GDAP1: variants seen among roughly 807,000 people sequenced by gnomAD.
The protein encoded by GDAP1 is ganglioside-induced differentiation-associated protein 1.
In GDAP1, 34 loss-of-function variants were observed where a neutral mutation model predicts 40.1. The ratio of observed to expected loss-of-function variants is 0.85; its 90% CI spans 0.64 to 1.13. The LOEUF (loss-of-function observed/expected upper bound fraction) is 1.13. GDAP1 is among the 50% of genes most tolerant of loss of function. GDAP1 has a pLI of 0.00. For synonymous variants in GDAP1, 170 were observed against 157.4 expected (o/e 1.08, Z -0.60); for missense variants, 374 against 433.7 (o/e 0.86, Z 1.22).
intron 2 of GDAP1, among the ~76,000 whole-genome samples, chr8:74,356,442 A>G (rs1809093860): frequency 1.3e-5 from 2 of 152,156 alleles, no homozygotes. Context: ...TATAGTGCAT[A>G]AAATTTATTG....
rs1468845423 is a variant in GDAP1, at chr8:74,435,482, A to G, written c.166-53196A>G. ...CTGTCTTTGCTTCTTACTTCATCCCATTCAAATAAGAAGAAGCTTGAATAA... is the reference window on the plus strand; with the variant it reads ...CTGTCTTTGCTTCTTACTTCATCCCGTTCAAATAAGAAGAAGCTTGAATAA... On this transcript the variant is annotated intron_variant, in intron 2 of 2. Transcript: ENST00000523640. 2.6e-5 allele frequency among the ~76,000 whole-genome samples: 4 copies of G among 152,170 alleles called. 1 individual carries two copies. The highest frequency in any genetic ancestry group is 1.5e-5 in the Non-Finnish European group (1 of 68,014).
At chr8:74,408,238 T>C (rs1805664604) in intron 2 of GDAP1, among the ~76,000 whole-genome samples, 1 of 150,302 alleles carries the variant, frequency 6.7e-6, no homozygotes, top group Admixed American at 6.6e-5. Context: ...AAAAAAATTC[T>C]TCCCTGCATC....
intron 2 of GDAP1, among the ~76,000 whole-genome samples, chr8:74,374,944 T>C (rs1226987202): frequency 6.6e-6 from 1 of 152,226 alleles, no homozygotes; most frequent in African/African-American, 2.4e-5. Context: ...CAACTGTACA[T>C]AAGCTTTTTT....
At chr8:74,356,601 A>G (rs1206334513) in intron 2 of GDAP1, among the ~76,000 whole-genome samples, 3 of 151,144 alleles carry the variant, frequency 2.0e-5, no homozygotes, top group Non-Finnish European at 2.9e-5. Context: ...ATTGTAATCA[A>G]TCAGTTTGCT....
chr8:74,411,461 G>A (rs2131554001), intron 2 of GDAP1, among the ~76,000 whole-genome samples: 1 of 149,050 alleles, frequency 6.7e-6, no homozygotes, highest in South Asian at 2.1e-4. Context: ...GTGTTTGAAT[G>A]TTTGCTACAG....
intron 2 of GDAP1, among the ~76,000 whole-genome samples, chr8:74,409,356 C>T (rs773744820): frequency 6.7e-6 from 1 of 149,468 alleles, no homozygotes; most frequent in Non-Finnish European, 1.5e-5. Context: ...ATCTGAGTTC[C>T]TTCCTTTTTT....
chr8:74,398,914 G>A (rs1388824208), intron 2 of GDAP1, among the ~76,000 whole-genome samples: 1 of 152,082 alleles, frequency 6.6e-6, no homozygotes, highest in Non-Finnish European at 1.5e-5. Context: ...TGATCATGGT[G>A]GATAAGCTTT....
rs542278753 is a variant in GDAP1 at position 74,412,359 on chromosome 8, A to G, written c.165+61038A>G. Among the ~76,000 whole-genome samples the G allele has an allele frequency of 4.0e-5, 6 of 150,372 alleles. No individual in the cohort carries two copies. In the East Asian group the frequency reaches 7.7e-4, roughly 19 times the overall value. ...AAAGTCAAGCTGAAGTTCCAGAAAG[A>G]GCAAAGAGAGGATGAGAGATAGACA... On this transcript the variant is annotated intron_variant, in intron 2 of 2. Transcript: ENST00000523640.
chr8:74,350,434 G>GGGCGCACCCGTGCT lies in GDAP1; in HGVS notation c.-27_-14dup. 1 of 1,396,194 alleles carries GGGCGCACCCGTGCT rather than the reference G, an allele frequency of 7.2e-7. No homozygotes were observed. The highest frequency in any genetic ancestry group is 1.8e-4 in the Middle Eastern group (1 of 5,570). The allele number at this position is 1,396,194 out of a possible 1,614,324, so 86.5% of individuals were successfully genotyped here. On this transcript the variant is annotated 5_prime_UTR_variant, in exon 1 of 6. Transcript: ENST00000220822. ...GGGAGAAGTCCAGGGCGGACAGGCT[G>GGGCGCACCCGTGCT]GGCGCACCCGTGCTCGCGCACCCCA...
chr8:74,350,599 G>T (rs771606825), intron 1 of GDAP1, 21 bp downstream of exon 1: 1 of 1,436,358 alleles, frequency 7.0e-7, no homozygotes, highest in Non-Finnish European at 9.8e-7. Flanking sequence ...CCTTGGCGGC[G>T]GAGGGTGGCG....
At chr8:74,473,997 A>G (rs932448302) in intron 2 of GDAP1, among the ~76,000 whole-genome samples, 3 of 151,986 alleles carry the variant, frequency 2.0e-5, no homozygotes, top group African/African-American at 7.2e-5. Flanking sequence ...TGTAGTTCTC[A>G]TTGTAGAGAT....
chr8:74,487,510 G>A (rs1168582424), intron 2 of GDAP1, among the ~76,000 whole-genome samples: 1 of 152,066 alleles, frequency 6.6e-6, no homozygotes, highest in East Asian at 1.9e-4. Flanking sequence ...CAGGTGTCTG[G>A]CTTAATATAA....
Position 74,397,308 on chromosome 8 carries a change from C to T in GDAP1, c.165+45987C>T, listed in dbSNP as rs1287106887. ...AAATTTTCTCCCATTTTGTAGGTTG[C>T]CTGTTCACTCTGATGGTAGTTTCTT... On this transcript the variant is annotated intron_variant, in intron 2 of 2. Coordinates refer to the GDAP1 transcript ENST00000523640. 1.8e-4 allele frequency among the ~76,000 whole-genome samples: 27 copies of T among 151,376 alleles called. 1 individual carries two copies. Among genetic ancestry groups the T allele is most frequent in the Admixed American group, 1.4e-3 (22 of 15,200 alleles).
At chr8:74,370,583 T>C (rs1809731077), downstream of GDAP1, among the ~76,000 whole-genome samples, 1 of 151,960 alleles carries the variant, frequency 6.6e-6, no homozygotes, top group Non-Finnish European at 1.5e-5. Flanking sequence ...ACAAAACAAA[T>C]AAACAGAAGG....
intron 2 of GDAP1, among the ~76,000 whole-genome samples, chr8:74,421,539 G>T (rs1217580981): frequency 2.0e-5 from 3 of 152,148 alleles, no homozygotes; most frequent in Admixed American, 2.0e-4. Flanking sequence ...GAAGAGCTAA[G>T]ATTCTTGCCT....
intron 2 of GDAP1, among the ~76,000 whole-genome samples, chr8:74,460,140 T>G (rs1470590466): frequency 6.6e-6 from 1 of 152,236 alleles, no homozygotes; most frequent in African/African-American, 2.4e-5. Flanking sequence ...CATATTAGTA[T>G]TCATTGCACT....
At chr8:74,356,767 T>G (rs1169792867) in intron 2 of GDAP1, among the ~76,000 whole-genome samples, 1 of 143,972 alleles carries the variant, frequency 6.9e-6, no homozygotes, top group Non-Finnish European at 1.5e-5. Context: ...CAGGCTGGAG[T>G]GCAGTGGCGC....
At position 74,366,105 on chromosome 8, in the gene GDAP1, G is replaced by T; in HGVS notation, c.*1738G>T. 2.3e-6 allele frequency: 1 copy of T among 442,860 alleles called. No homozygotes were observed. Among genetic ancestry groups the T allele is most frequent in the Non-Finnish European group, 4.5e-6 (1 of 223,566 alleles). 27.4% of individuals were successfully genotyped at this position (442,860 alleles called of 1,614,324 possible). On this transcript the variant is annotated 3_prime_UTR_variant, in exon 6 of 6. Transcript: ENST00000220822. Reference sequence around the variant, plus strand: ...TAAGAATAAAAATTAGAAGTCCATGGTTAACTTTTCCTTCAATTTATATTA... The same window carrying T: ...TAAGAATAAAAATTAGAAGTCCATGTTTAACTTTTCCTTCAATTTATATTA...
At chr8:74,441,355 A>G (rs1037518784) in intron 2 of GDAP1, among the ~76,000 whole-genome samples, 8 of 152,172 alleles carry the variant, frequency 5.3e-5, no homozygotes, top group African/African-American at 1.9e-4. Flanking sequence ...AGGGTGTACC[A>G]TGGACATCAA....
Sources: allele counts gnomAD v4.1 joint callset (sites outside exome capture counted in the v4.1 genomes callset), GRCh38; gene constraint gnomAD v4.1.1; transcripts MANE v1.5; gene names NCBI Gene and HGNC (gene_info 2026-07-23, HGNC 2026-07-21).